GTF2I: variants seen among roughly 807,000 people sequenced by gnomAD.
GTF2I encodes general transcription factor II-I.
GTF2I carries 12 observed loss-of-function variants against 67.6 expected under a neutral mutation model. The observed-to-expected ratio is 0.18, with a 90% CI of 0.11 to 0.29. The LOEUF (loss-of-function observed/expected upper bound fraction) is 0.29, where lower values mean the gene tolerates loss of function less well. Among genes scored for constraint, GTF2I ranks in the 10% least tolerant of loss-of-function variants. GTF2I has a pLI of 1.00. For missense variants in GTF2I, 271 were observed against 580.1 expected (o/e 0.47, Z 5.47); for synonymous variants, 149 against 197.0 (o/e 0.76, Z 2.04).
intron 6 of GTF2I, among the ~76,000 whole-genome samples, chr7:74,701,876 G>A (rs587710315): frequency 3.3e-5 from 5 of 152,228 alleles, no homozygotes; most frequent in East Asian, 1.9e-4. Flanking sequence ...TGCTTTCATC[G>A]TCCCTGTCTC....
Position 74,706,445 on chromosome 7 carries a change from C to A in GTF2I, c.685+12C>A, listed in dbSNP as rs782235035. The A allele has an allele frequency of 1.3e-6, 2 of 1,585,440 alleles. No individual in the cohort carries two copies. The highest frequency in any genetic ancestry group is 2.2e-5 in the East Asian group (1 of 44,740). ...CACAGAAGATTCTGGTATGTACTAGCACTTTTAGAATCAATGGTGAAATTA... is the reference window on the plus strand; with the variant it reads ...CACAGAAGATTCTGGTATGTACTAGAACTTTTAGAATCAATGGTGAAATTA... On this transcript the variant is annotated intron_variant, in intron 8 of 34. Coordinates refer to ENST00000573035, the MANE Select transcript of GTF2I (RefSeq NM_032999.4).
intron 9 of GTF2I, among the ~76,000 whole-genome samples, chr7:74,713,120 TTAAAA>T (rs1554402927): frequency 6.6e-6 from 1 of 152,160 alleles, no homozygotes; most frequent in African/African-American, 2.4e-5. Context: ...ATATGGGACA[TTAAAA>T]TAATTTGAAA....
chr7:74,720,556 C>A (rs193218544), intron 12 of GTF2I, among the ~76,000 whole-genome samples: 3 of 151,916 alleles, frequency 2.0e-5, no homozygotes, highest in East Asian at 1.9e-4. Flanking sequence ...AAATTTAATT[C>A]GTTTTTAGTG....
chr7:74,753,361 G>T (rs1174274340), intron 29 of GTF2I, among the ~76,000 whole-genome samples, 184 bp downstream of exon 29: 3 of 152,190 alleles, frequency 2.0e-5, no homozygotes, highest in Admixed American at 6.5e-5. Flanking sequence ...TTGATTGTCA[G>T]TATGAAAGTT....
chr7:74,664,233 G>A (rs1204842362), intron 1 of GTF2I, among the ~76,000 whole-genome samples: 3 of 152,102 alleles, frequency 2.0e-5, no homozygotes, highest in African/African-American at 4.8e-5. Context: ...TTGTCCTTTT[G>A]TTCTGGAACT....
chr7:74,705,955 ACT>A (rs1257592053), intron 7 of GTF2I, among the ~76,000 whole-genome samples: 24 of 149,996 alleles, frequency 1.6e-4, no homozygotes, highest in African/African-American at 4.7e-4. Context: ...TCAGTTGATA[ACT>A]CTTTTTTTTT....
At chr7:74,728,259 A>G (rs1554406121) in intron 12 of GTF2I, among the ~76,000 whole-genome samples, 4 of 152,190 alleles carry the variant, frequency 2.6e-5, no homozygotes. Flanking sequence ...CCAAGATTGC[A>G]TCACTGAACT....
chr7:74,722,725 A>G (rs1793187928), intron 12 of GTF2I: 1 of 152,200 alleles, frequency 6.6e-6, no homozygotes. Flanking sequence ...TTCAAATATA[A>G]TTGACTCACA....
At chr7:74,664,236 C>G (rs1053659624) in intron 1 of GTF2I, among the ~76,000 whole-genome samples, 1 of 152,142 alleles carries the variant, frequency 6.6e-6, no homozygotes, top group Admixed American at 6.6e-5. Context: ...TCCTTTTGTT[C>G]TGGAACTCTC....
At chr7:74,693,756 G>T (rs1479732653) in intron 3 of GTF2I, among the ~76,000 whole-genome samples, 1 of 152,040 alleles carries the variant, frequency 6.6e-6, no homozygotes, top group Non-Finnish European at 1.5e-5. Context: ...TGAGGCAGGT[G>T]AATTACTTGA....
At chr7:74,696,028 G>A (rs1788860764) in intron 3 of GTF2I, among the ~76,000 whole-genome samples, 1 of 149,732 alleles carries the variant, frequency 6.7e-6, no homozygotes, top group African/African-American at 2.5e-5. Flanking sequence ...GTCTCGCCCT[G>A]TCACCCAGGC....
At chr7:74,711,528 A>C (rs1791540220) in intron 9 of GTF2I, among the ~76,000 whole-genome samples, 1 of 152,180 alleles carries the variant, frequency 6.6e-6, no homozygotes, top group Non-Finnish European at 1.5e-5. Context: ...CACCATCTTC[A>C]TTGCATCCAA....
intron 1 of GTF2I, among the ~76,000 whole-genome samples, chr7:74,676,817 A>T (rs986572585): frequency 5.3e-5 from 8 of 152,154 alleles, no homozygotes; most frequent in African/African-American, 1.9e-4. Flanking sequence ...GCACTTTAGG[A>T]GGCTGAGGCG....
At chr7:74,691,840 G>C (rs997599168) in intron 3 of GTF2I, among the ~76,000 whole-genome samples, 4 of 151,608 alleles carry the variant, frequency 2.6e-5, no homozygotes, top group Non-Finnish European at 5.9e-5. Context: ...GCAATGGCAC[G>C]ATCTCGGCTC....
chr7:74,672,109 A>G (rs1164287401), intron 1 of GTF2I, among the ~76,000 whole-genome samples: 3 of 152,114 alleles, frequency 2.0e-5, no homozygotes, highest in African/African-American at 7.2e-5. Context: ...ATATTCATAT[A>G]TATATGAGTT....
At chr7:74,706,865 T>G (rs1790783244) in intron 8 of GTF2I, among the ~76,000 whole-genome samples, 1 of 152,206 alleles carries the variant, frequency 6.6e-6, no homozygotes, top group Non-Finnish European at 1.5e-5. Context: ...TTTATTTATT[T>G]TTTGAGATGG....
chr7:74,683,656 C>A (rs938252751), intron 1 of GTF2I, among the ~76,000 whole-genome samples: 21 of 152,246 alleles, frequency 1.4e-4, no homozygotes, highest in African/African-American at 4.8e-4. Flanking sequence ...AGCTCAAGAC[C>A]AGCCTGCCCA....
At chr7:74,666,705 C>T (rs1805011370) in intron 1 of GTF2I, among the ~76,000 whole-genome samples, 1 of 151,370 alleles carries the variant, frequency 6.6e-6, no homozygotes, top group African/African-American at 2.4e-5. Flanking sequence ...CGGTGGCTCA[C>T]ACCTGTAATC....
At chr7:74,721,761 G>T (rs1793033675) in intron 12 of GTF2I, among the ~76,000 whole-genome samples, 1 of 151,664 alleles carries the variant, frequency 6.6e-6, no homozygotes, top group African/African-American at 2.4e-5. Context: ...TAAAATTTTG[G>T]TATATCTTCA....
Sources: allele counts gnomAD v4.1 joint callset (sites outside exome capture counted in the v4.1 genomes callset), GRCh38; gene constraint gnomAD v4.1.1; transcripts MANE v1.5; gene names NCBI Gene and HGNC (gene_info 2026-07-23, HGNC 2026-07-21).